Variants in ANKRD16 observed in about 807,000 individuals in gnomAD.
The protein encoded by ANKRD16 is ankyrin repeat domain 16.
A neutral mutation model predicts 37.9 loss-of-function variants in ANKRD16; 35 were observed. That is an observed-to-expected ratio of 0.92 (90% confidence interval 0.71 to 1.23). The LOEUF is 1.23. Ranked by LOEUF, ANKRD16 falls within the 50% of genes most tolerant of loss-of-function variation. The pLI is 0.00. For synonymous variants in ANKRD16, 206 were observed against 197.2 expected (o/e 1.04, Z -0.37); for missense variants, 480 against 469.9 (o/e 1.02, Z -0.20).
intron 4 of ANKRD16, 83 bp downstream of exon 4, chr10:5,883,886 T>A (rs141619857): frequency 1.6e-6 from 2 of 1,221,688 alleles, no homozygotes; most frequent in Non-Finnish European, 2.3e-6. Context: ...ACCTGGGATC[T>A]GAGTAACAAT....
chr10:5,869,666 C>T lies in ANKRD16; in HGVS notation c.*34-6975G>A, dbSNP rs1177334583. ...TTTCCCTCTTGAGGCTGGGGAGGAA[C>T]CGGCAGGGTGAACGCGAGTATTTCT... On this transcript the variant is annotated intron_variant, in intron 7 of 7. Transcript: ENST00000380094. This position sits in a 1 kb window ranked among gnomAD's most constrained non-coding sequence, Gnocchi z 4.0. Among the ~76,000 whole-genome samples the T allele has an allele frequency of 6.6e-6, 1 of 151,614 alleles. No individual in the cohort carries two copies. Among genetic ancestry groups the T allele is most frequent in the African/African-American group, 2.4e-5 (1 of 41,250 alleles).
Position 5,862,981 on chromosome 10 carries a change from T to C in ANKRD16, c.*34-290A>G, listed in dbSNP as rs966926767. 6.6e-6 allele frequency among the ~76,000 whole-genome samples: 1 copy of C among 152,080 alleles called. No homozygotes were observed. The highest frequency in any genetic ancestry group is 1.9e-4 in the East Asian group (1 of 5,188). Reference sequence around the variant, plus strand: ...TGTTTGCCTGGAAAAGTCCCCATCTTAGTGAATTCTGACTTTCCACCTACT... The same window carrying C: ...TGTTTGCCTGGAAAAGTCCCCATCTCAGTGAATTCTGACTTTCCACCTACT... On this transcript the variant is annotated intron_variant, in intron 7 of 7. Transcript: ENST00000380094. This position sits in a 1 kb window ranked among gnomAD's most constrained non-coding sequence, Gnocchi z 6.5.
chr10:5,878,718 A>AG lies in ANKRD16; in HGVS notation c.929-432_929-431insC. Among the ~76,000 whole-genome samples the AG allele has an allele frequency of 6.6e-6, 1 of 151,870 alleles. No homozygotes were observed. Reference sequence around the variant, plus strand: ...GAGGCTGAGGCAGGAAAATCGCTTGAACCCAGGAGGTGGCGGTTGCAGTGA... The same window carrying AG: ...GAGGCTGAGGCAGGAAAATCGCTTGAGACCCAGGAGGTGGCGGTTGCAGTGA... On this transcript the variant is annotated intron_variant, in intron 6 of 7. Coordinates refer to ENST00000380094, the MANE Select transcript of ANKRD16 (RefSeq NM_019046.3). The surrounding 1 kb of genome is among the most constrained non-coding windows in gnomAD (Gnocchi z 5.1).
At chr10:5,888,841 A>C (rs972409223) in intron 1 of ANKRD16, among the ~76,000 whole-genome samples, 200 bp downstream of exon 1, 1 of 152,214 alleles carries the variant, frequency 6.6e-6, no homozygotes, top group Non-Finnish European at 1.5e-5. Flanking sequence ...TTAACCCACA[A>C]GGGCAGGAAC....
At position 5,884,043 on chromosome 10, in the gene ANKRD16, C is replaced by G; in HGVS notation, c.613G>C (p.Gly205Arg). 1.2e-6 allele frequency: 2 copies of G among 1,614,162 alleles called. No individual in the cohort carries two copies. The highest frequency in any genetic ancestry group is 1.7e-6 in the Non-Finnish European group (2 of 1,180,030). The change falls in exon 4 of 8, where the codon GGC (glycine) becomes CGC (arginine). Residue 205 changes from glycine (G) to arginine (R), a missense_variant. Gly to Arg is a moderately radical substitution (Grantham distance 125). Transcript: ENST00000380094. ...ATTGCGTCCATCAAGGCGGTGACGC[C>G]ACAGTTGTCTCTGTAGTCTGGTTCA... ...QYEPDYRDNC[G>R]VTALMDAIQC...
intron 7 of ANKRD16, among the ~76,000 whole-genome samples, chr10:5,875,156 C>T (rs992648267): frequency 1.3e-5 from 2 of 152,140 alleles, no homozygotes; most frequent in Non-Finnish European, 2.9e-5. Context: ...AGTAGAGACT[C>T]TTCATGAAAG....
chr10:5,881,168 T>A, intron 5 of ANKRD16: 1 of 734,020 alleles, frequency 1.4e-6, no homozygotes, highest in Non-Finnish European at 1.7e-6. Flanking sequence ...ATAAATATTT[T>A]GGTGACATTT....
At chr10:5,887,708 C>CCCCG (rs1433532977) in intron 2 of ANKRD16, 139 bp downstream of exon 2, 115 of 194,150 alleles carry the variant, frequency 5.9e-4, no homozygotes, top group African/African-American at 1.5e-3. Flanking sequence ...CCCTCCCCCC[C>CCCCG]AGATGTTCTT....
Position 5,869,123 on chromosome 10 carries a change from T to C in ANKRD16, c.*34-6432A>G, listed in dbSNP as rs1454227415. On this transcript the variant is annotated intron_variant, in intron 7 of 7. Transcript: ENST00000380094. This position sits in a 1 kb window ranked among gnomAD's most constrained non-coding sequence, Gnocchi z 4.0. ...AGCTATCTTTAGTGATAGTGTAGTT[T>C]ATGTGTGGCCCAAGACAATCATTCT... Among the ~76,000 whole-genome samples, 1 of 152,076 alleles carries C rather than the reference T, an allele frequency of 6.6e-6. No homozygotes were observed. Among genetic ancestry groups the C allele is most frequent in the Non-Finnish European group, 1.5e-5 (1 of 68,014 alleles).
intron 2 of ANKRD16, among the ~76,000 whole-genome samples, chr10:5,887,617 C>T (rs1464629401): frequency 1.3e-5 from 2 of 152,212 alleles, no homozygotes; most frequent in Non-Finnish European, 2.9e-5. Context: ...CGCCTGACCT[C>T]AGGTGATCCA....
intron 7 of ANKRD16, among the ~76,000 whole-genome samples, chr10:5,877,766 A>C (rs537706465): frequency 2.0e-5 from 3 of 152,222 alleles, no homozygotes; most frequent in Admixed American, 6.5e-5. Flanking sequence ...AAGATATTTC[A>C]TATGTTTGTG....
chr10:5,886,163 G>C (rs1322231057), intron 2 of ANKRD16, among the ~76,000 whole-genome samples: 1 of 152,180 alleles, frequency 6.6e-6, no homozygotes, highest in East Asian at 1.9e-4. Context: ...TATACTCAAA[G>C]GTTATGACTA....
In ANKRD16 at chr10:5,878,274, G is replaced by C; in HGVS notation, c.942C>G (p.Ala314=). 6.2e-7 allele frequency: 1 copy of C among 1,613,814 alleles called. No homozygotes were observed. Among genetic ancestry groups the C allele is most frequent in the African/African-American group, 1.3e-5 (1 of 75,026 alleles). The stretch of plus-strand genomic sequence containing the variant: ...CACAGGCCAAGTGCTGACCTGCACA[G>C]GCCAGATGCAGGGCTGAGGGGTGAC... ...DEKNRSALHL[A]CAGQHLACAK... Residue 314 remains alanine (A), a synonymous_variant, in exon 7 of 8, where the codon GCC becomes GCG. Transcript: ENST00000380094. The surrounding 1 kb of genome is among the most constrained non-coding windows in gnomAD (Gnocchi z 5.1).
At position 5,878,335 on chromosome 10, in the gene ANKRD16, C is replaced by T; in HGVS notation, c.929-48G>A. 6.5e-7 allele frequency: 1 copy of T among 1,534,698 alleles called. No individual in the cohort carries two copies. Among genetic ancestry groups the T allele is most frequent in the Non-Finnish European group, 8.9e-7 (1 of 1,129,784 alleles). The stretch of plus-strand genomic sequence containing the variant: ...TGGACTTAAAACACAATCCCTGGAG[C>T]AATACTGACCTCATGAGTTGATAGT... On this transcript the variant is annotated intron_variant, in intron 6 of 7. Coordinates refer to ENST00000380094, the MANE Select transcript of ANKRD16 (RefSeq NM_019046.3). This position sits in a 1 kb window ranked among gnomAD's most constrained non-coding sequence, Gnocchi z 5.1.
At chr10:5,880,526 C>G in intron 5 of ANKRD16, 150 bp from the exon 6 acceptor site, 1 of 412,468 alleles carries the variant, frequency 2.4e-6, no homozygotes, top group Non-Finnish European at 4.3e-6. Flanking sequence ...GTGTCTCTCT[C>G]CAAAGATGAT....
Position 5,878,016 on chromosome 10 carries a change from G to C in ANKRD16, c.*33+81C>G. 1 of 1,412,362 alleles carries C rather than the reference G, an allele frequency of 7.1e-7. No individual in the cohort carries two copies. The highest frequency in any genetic ancestry group is 1.3e-5 in the South Asian group (1 of 74,500). 87.5% of individuals were successfully genotyped at this position (1,412,362 alleles called of 1,614,324 possible). A position where few individuals can be genotyped will look rare whatever the true frequency, so the allele number is the denominator to read the frequency against. On this transcript the variant is annotated intron_variant, in intron 7 of 7. Coordinates refer to ENST00000380094, the MANE Select transcript of ANKRD16 (RefSeq NM_019046.3). The surrounding 1 kb of genome is among the most constrained non-coding windows in gnomAD (Gnocchi z 5.1). ...GGAACATGCAGGATGAGGGAAGGGA[G>C]GAAGTGGAGGAGATGGAAAACTGGC...
Position 5,888,014 on chromosome 10 carries a change from A to G in ANKRD16, c.368T>C (p.Leu123Pro), listed in dbSNP as rs766608301. The G allele has an allele frequency of 6.2e-7, 1 of 1,614,102 alleles. No individual in the cohort carries two copies. Among genetic ancestry groups the G allele is most frequent in the Non-Finnish European group, 8.5e-7 (1 of 1,180,044 alleles). ...TRKNLGVIQE[L>P]VEHGANPLLK... ...GAGTGGATTGGCGCCATGTTCCACC[A>G]GCTCCTGGATCACCCCCAGGTTCTT... Residue 123 changes from leucine (L) to proline (P), a missense_variant, in exon 2 of 8, where the codon CTG becomes CCG. Coordinates refer to ENST00000380094, the MANE Select transcript of ANKRD16 (RefSeq NM_019046.3).
intron 6 of ANKRD16, 100 bp downstream of exon 6, chr10:5,880,198 A>G: frequency 9.7e-6 from 3 of 310,212 alleles, no homozygotes; most frequent in Admixed American, 5.6e-5. Flanking sequence ...AAAAAAAAAA[A>G]AAAAAAGGAA....
At chr10:5,884,791 T>C (rs112624164) in intron 3 of ANKRD16, among the ~76,000 whole-genome samples, 2,399 of 150,716 alleles carry the variant, frequency 0.016, 45 homozygotes, top group African/African-American at 0.039. Flanking sequence ...TAGCATTCAT[T>C]CTCCCACCCC....
Sources: gnomAD v4.1 joint callset for allele counts (sites outside exome capture counted in the v4.1 genomes callset) on GRCh38, gnomAD v4.1.1 for gene constraint, Gnocchi (gnomAD v3.1) non-coding constraint, MANE v1.5 for transcripts, NCBI Gene and HGNC (gene_info 2026-07-23, HGNC 2026-07-21) for gene names.